The following VPS8 variants were observed in gnomAD, a reference collection of about 807,000 sequenced individuals.
VPS8 encodes the protein vacuolar protein sorting-associated protein 8 homolog.
A neutral mutation model predicts 216.4 loss-of-function variants in VPS8; 129 were observed. That is an observed-to-expected ratio of 0.60 (90% CI 0.52 to 0.69). The LOEUF (loss-of-function observed/expected upper bound fraction) is 0.69, where lower values mean the gene tolerates loss of function less well. VPS8 is among the 30% of genes least tolerant of loss of function. The pLI is 0.00. For synonymous variants in VPS8, 571 were observed against 565.4 expected (o/e 1.01, Z -0.14); for missense variants, 1,531 against 1,683.5 (o/e 0.91, Z 1.59).
intron 16 of VPS8, among the ~76,000 whole-genome samples, chr3:184,866,659 C>T (rs767365508): frequency 8.5e-5 from 13 of 152,098 alleles, no homozygotes; most frequent in Middle Eastern, 6.8e-3. Flanking sequence ...TAGTATGTAG[C>T]GCTGGGATGT....
rs374179180 is a variant in VPS8, at chr3:184,852,211, T to C, written c.754-289T>C. Among the ~76,000 whole-genome samples the C allele has an allele frequency of 5.3e-5, 8 of 152,268 alleles. No individual in the cohort carries two copies. The East Asian group carries it at 1.2e-3, about 22-fold the overall frequency. On this transcript the variant is annotated intron_variant, in intron 10 of 47. Transcript: ENST00000625842. Reference sequence around the variant, plus strand: ...CAAAAAGTTATTGTAAGAACCCAAATAGAGAACTTTAGGGTTTTTAATCAA... The same window carrying C: ...CAAAAAGTTATTGTAAGAACCCAAACAGAGAACTTTAGGGTTTTTAATCAA...
chr3:184,839,450 ATTGCCTATAAT>A, intron 6 of VPS8: 1 of 402,004 alleles, frequency 2.5e-6, no homozygotes, highest in Non-Finnish European at 4.4e-6. Flanking sequence ...GTGGCATGTT[ATTGCCTATAAT>A]GTTGAACATA....
intron 13 of VPS8, among the ~76,000 whole-genome samples, chr3:184,854,518 A>G (rs1724882750): frequency 6.6e-6 from 1 of 152,182 alleles, no homozygotes; most frequent in Non-Finnish European, 1.5e-5. Flanking sequence ...AACTTCATGC[A>G]TGGCATTTCC....
intron 42 of VPS8, among the ~76,000 whole-genome samples, 168 bp downstream of exon 42, chr3:184,983,262 T>A (rs187477717): frequency 6.6e-6 from 1 of 152,212 alleles, no homozygotes; most frequent in Non-Finnish European, 1.5e-5. Flanking sequence ...CATTCTTGAA[T>A]CTTTTCTGTC....
In VPS8 at chr3:184,950,216, C is replaced by CTTTTT. The variant is rs10700220; in HGVS notation, c.3036-7134_3036-7130dup. On this transcript the variant is annotated intron_variant, in intron 36 of 47. Transcript: ENST00000625842. ...AGCAACCACGCCCAGCAGTTTTCTG[C>CTTTTT]TTTTTTTTTTTTTTTTTTTTTTTTT... Among the ~76,000 whole-genome samples, 123 of 39,928 alleles carry CTTTTT rather than the reference C, an allele frequency of 3.1e-3. 39 individuals are homozygous for CTTTTT. The highest frequency in any genetic ancestry group is 5.4e-3 in the East Asian group (5 of 930). The allele number at this position is 39,928 out of a possible 152,430, so 26.2% of individuals were successfully genotyped here.
chr3:184,953,017 G>A (rs1297307456), intron 36 of VPS8, among the ~76,000 whole-genome samples: 1 of 152,184 alleles, frequency 6.6e-6, no homozygotes, highest in African/African-American at 2.4e-5. Flanking sequence ...AGGTTAATAA[G>A]GGAGGGGCCT....
intron 46 of VPS8, among the ~76,000 whole-genome samples, chr3:185,043,491 C>T (rs1043033555): frequency 6.6e-6 from 1 of 152,188 alleles, no homozygotes; most frequent in Non-Finnish European, 1.5e-5. Flanking sequence ...GATATCAACA[C>T]AACTAATTAG....
At chr3:185,048,215 A>T (rs1276658938) in intron 46 of VPS8, among the ~76,000 whole-genome samples, 2 of 152,230 alleles carry the variant, frequency 1.3e-5, no homozygotes, top group East Asian at 3.9e-4. Context: ...ACCTGAAAGG[A>T]ACCTATACAT....
intron 37 of VPS8, among the ~76,000 whole-genome samples, chr3:184,962,384 C>G (rs1746684288): frequency 6.6e-6 from 1 of 152,190 alleles, no homozygotes; most frequent in South Asian, 2.1e-4. Context: ...CTGATATTTG[C>G]TGTTTTTCAC....
intron 25 of VPS8, among the ~76,000 whole-genome samples, chr3:184,907,290 T>A (rs1324513938): frequency 6.6e-6 from 1 of 152,158 alleles, no homozygotes; most frequent in Non-Finnish European, 1.5e-5. Context: ...CATTTTTACA[T>A]AAACAATAGG....
chr3:184,865,745 T>C (rs953969447), intron 16 of VPS8, among the ~76,000 whole-genome samples: 1 of 152,154 alleles, frequency 6.6e-6, no homozygotes, highest in African/African-American at 2.4e-5. Context: ...CCCAGCACTT[T>C]GGGAGGCCGA....
At chr3:184,926,495 A>T in intron 30 of VPS8, 99 bp from the exon 31 acceptor site, 1 of 1,222,004 alleles carries the variant, frequency 8.2e-7, no homozygotes, top group South Asian at 1.5e-5. Flanking sequence ...TCTGGGTGTG[A>T]ATGAGTTGGT....
At chr3:184,823,540 T>C (rs548700050) in intron 1 of VPS8, among the ~76,000 whole-genome samples, 2 of 152,354 alleles carry the variant, frequency 1.3e-5, no homozygotes, top group Non-Finnish European at 2.9e-5. Context: ...CTGAGAGTTT[T>C]GCCAGTTGTT....
chr3:184,957,927 C>T lies in VPS8; in HGVS notation c.3183+406C>T, dbSNP rs980681823. Among the ~76,000 whole-genome samples, 16 of 152,250 alleles carry T rather than the reference C, an allele frequency of 1.1e-4. No individual in the cohort carries two copies. The East Asian group carries it at 1.4e-3, about 13-fold the overall frequency. The stretch of plus-strand genomic sequence containing the variant: ...CTCCCGTGCCTGCTGGTGCCTTCTC[C>T]GGGCCAATAAGCAAGTGCTATCTCC... On this transcript the variant is annotated intron_variant, in intron 37 of 47. Transcript: ENST00000625842.
chr3:184,990,709 C>T (rs961023635), intron 42 of VPS8, among the ~76,000 whole-genome samples: 2 of 152,200 alleles, frequency 1.3e-5, no homozygotes, highest in Non-Finnish European at 2.9e-5. Context: ...TCTTCTGTAT[C>T]TAACACTAAT....
chr3:184,872,949 A>T (rs1467542412), intron 21 of VPS8, among the ~76,000 whole-genome samples: 1 of 152,150 alleles, frequency 6.6e-6, no homozygotes, highest in African/African-American at 2.4e-5. Flanking sequence ...AAAGGCATAT[A>T]ACTAAAGATA....
At chr3:184,966,817 A>G (rs1230468492) in intron 39 of VPS8, 104 bp downstream of exon 39, 12 of 751,016 alleles carry the variant, frequency 1.6e-5, no homozygotes, top group East Asian at 8.4e-5. Flanking sequence ...ACTTGCATAT[A>G]TGCATAATTA....
At chr3:184,927,956 T>C (rs966633242) in intron 31 of VPS8, among the ~76,000 whole-genome samples, 2 of 152,234 alleles carry the variant, frequency 1.3e-5, no homozygotes, top group African/African-American at 2.4e-5. Flanking sequence ...ATTTTGTTTA[T>C]TCATTCATCC....
chr3:184,989,428 T>C (rs1035231843), intron 42 of VPS8, among the ~76,000 whole-genome samples: 2 of 152,048 alleles, frequency 1.3e-5, no homozygotes, highest in Admixed American at 6.5e-5. Context: ...ATTTTTCTTG[T>C]CTTTTTTTTT....
Sources: allele counts gnomAD v4.1 joint callset (sites outside exome capture counted in the v4.1 genomes callset), GRCh38; gene constraint gnomAD v4.1.1; transcripts MANE v1.5; gene names NCBI Gene and HGNC (gene_info 2026-07-23, HGNC 2026-07-21).